The following MACROD2 variants were observed in gnomAD, a reference collection of about 807,000 sequenced individuals.
MACROD2 encodes the protein ADP-ribose glycohydrolase MACROD2.
Under a neutral mutation model 70.4 loss-of-function variants are expected in MACROD2, and 36 were observed. The observed-to-expected ratio is 0.51, with a 90% CI of 0.39 to 0.68. The LOEUF (loss-of-function observed/expected upper bound fraction) is 0.68, where lower values mean the gene tolerates loss of function less well. Among genes scored for constraint, MACROD2 ranks in the 30% least tolerant of loss-of-function variants. The probability of loss-of-function intolerance (pLI) is 0.00; values close to 1 mark genes in which losing one functional copy is unlikely to be tolerated. For missense variants in MACROD2, 496 were observed against 538.4 expected, an observed-to-expected ratio of 0.92 and a Z score of 0.78; for synonymous variants, 172 against 178.8, an observed-to-expected ratio of 0.96 and a Z score of 0.30.
chr20:15,176,674 T>C (rs993595870), intron 5 of MACROD2, among the ~76,000 whole-genome samples: 4 of 152,144 alleles, frequency 2.6e-5, no homozygotes, highest in African/African-American at 9.7e-5. Context: ...CAATTGTCCA[T>C]CTATCTCATT....
intron 3 of MACROD2, among the ~76,000 whole-genome samples, chr20:14,124,516 G>T (rs1335296922): frequency 4.6e-5 from 7 of 152,174 alleles, no homozygotes; most frequent in Admixed American, 4.6e-4. Context: ...TGGTACAATT[G>T]TTAGGCACTT....
intron 6 of MACROD2, among the ~76,000 whole-genome samples, chr20:15,395,666 C>T (rs1380586222): frequency 6.6e-6 from 1 of 152,166 alleles, no homozygotes; most frequent in Non-Finnish European, 1.5e-5. Context: ...TTCCCGACCC[C>T]CAAATTAACA....
At chr20:15,061,809 A>G (rs977759333) in intron 5 of MACROD2, among the ~76,000 whole-genome samples, 2 of 152,178 alleles carry the variant, frequency 1.3e-5, no homozygotes, top group African/African-American at 4.8e-5. Context: ...CCTCCAAATG[A>G]ATTTTGGGTC....
At chr20:15,219,588 C>T (rs1222021478) in intron 5 of MACROD2, among the ~76,000 whole-genome samples, 5 of 152,148 alleles carry the variant, frequency 3.3e-5, no homozygotes, top group African/African-American at 4.8e-5. Context: ...GAAGTAGCCT[C>T]TTCTCATTTG....
chr20:15,230,189 G>A, intron 6 of MACROD2, 128 bp downstream of exon 6: 2 of 798,308 alleles, frequency 2.5e-6, no homozygotes, highest in African/African-American at 1.8e-5. Flanking sequence ...GATCTTAGTA[G>A]CCGATTTGGT....
At chr20:14,643,738 C>T (rs1403487500) in intron 4 of MACROD2, among the ~76,000 whole-genome samples, 1 of 152,056 alleles carries the variant, frequency 6.6e-6, no homozygotes, top group Non-Finnish European at 1.5e-5. Context: ...ATATGTGGCC[C>T]CGATTGTCAC....
At chr20:15,248,659 G>A (rs551712798) in intron 6 of MACROD2, among the ~76,000 whole-genome samples, 31 of 152,132 alleles carry the variant, frequency 2.0e-4, no homozygotes, top group Non-Finnish European at 4.0e-4. Flanking sequence ...CCCAGAGTCC[G>A]CTCAGTCTCA....
At chr20:14,407,601 T>C (rs138697452) in intron 3 of MACROD2, among the ~76,000 whole-genome samples, 2 of 152,238 alleles carry the variant, frequency 1.3e-5, no homozygotes, top group East Asian at 1.9e-4. Flanking sequence ...GAATCATTGT[T>C]AAGGACGCTC....
Position 14,906,954 on chromosome 20 carries a change from T to C in MACROD2, c.418+221995T>C, listed in dbSNP as rs1600803043. Among the ~76,000 whole-genome samples the C allele has an allele frequency of 2.0e-5, 3 of 152,274 alleles. 1 individual carries two copies. In the South Asian group the frequency reaches 6.2e-4, roughly 32 times the overall value. Reference sequence around the variant, plus strand: ...CCACAGAAGAAGGCTAACATGTAAATACAGAATTGTATGGAATGCAGTAGT... The same window carrying C: ...CCACAGAAGAAGGCTAACATGTAAACACAGAATTGTATGGAATGCAGTAGT... On this transcript the variant is annotated intron_variant, in intron 5 of 17. Coordinates refer to ENST00000684519, the MANE Select transcript of MACROD2 (RefSeq NM_001351661.2).
intron 8 of MACROD2, among the ~76,000 whole-genome samples, chr20:15,742,502 G>A (rs575708510): frequency 2.9e-4 from 44 of 152,074 alleles, no homozygotes; most frequent in Non-Finnish European, 6.2e-4. Context: ...GTATAGAAAG[G>A]GACAGCCCAT....
intron 3 of MACROD2, among the ~76,000 whole-genome samples, chr20:14,451,052 G>T (rs948727159): frequency 9.2e-5 from 14 of 152,054 alleles, no homozygotes; most frequent in African/African-American, 3.1e-4. Context: ...TCTGAGAAGA[G>T]GATTTGAATG....
At chr20:15,757,575 C>T (rs556859933) in intron 8 of MACROD2, among the ~76,000 whole-genome samples, 5 of 152,280 alleles carry the variant, frequency 3.3e-5, no homozygotes, top group African/African-American at 1.2e-4. Context: ...AAAATACCTC[C>T]ATGAGTGTCT....
chr20:15,195,546 AG>A (rs150525874), intron 5 of MACROD2, among the ~76,000 whole-genome samples: 1,942 of 152,348 alleles, frequency 0.013, 36 homozygotes, highest in African/African-American at 0.043. Flanking sequence ...ATCTGATGCC[AG>A]TCAGAATGGT....
At chr20:14,901,845 G>C (rs1897211784) in intron 5 of MACROD2, among the ~76,000 whole-genome samples, 1 of 152,084 alleles carries the variant, frequency 6.6e-6, no homozygotes, top group South Asian at 2.1e-4. Context: ...CTATAGGATT[G>C]TATGCCTATC....
rs151258236 is a variant in MACROD2, at chr20:15,361,981, C to G, written c.541-69424C>G. Among the ~76,000 whole-genome samples the G allele has an allele frequency of 9.4e-3, 1,422 of 150,934 alleles. 22 individuals carry two copies. The highest frequency in any genetic ancestry group is 0.032 in the African/African-American group (1,326 of 41,124). On this transcript the variant is annotated intron_variant, in intron 6 of 17. Transcript: ENST00000684519. ...AATTTTCTATACACCATCATCTCCT[C>G]TCAAATAAGGACAGTCTTATTTCTT...
intron 2 of MACROD2, among the ~76,000 whole-genome samples, chr20:14,018,407 C>T (rs2053023068): frequency 6.6e-6 from 1 of 152,032 alleles, no homozygotes. Flanking sequence ...GCATTTATAG[C>T]TCTAAATTTT....
intron 9 of MACROD2, among the ~76,000 whole-genome samples, chr20:15,881,697 C>T (rs1020679653): frequency 1.3e-5 from 2 of 152,010 alleles, no homozygotes; most frequent in Admixed American, 6.6e-5. Context: ...TGGGGCCTTT[C>T]GTTAGTTTTA....
At chr20:15,249,318 C>G (rs908194979) in intron 6 of MACROD2, among the ~76,000 whole-genome samples, 3 of 152,212 alleles carry the variant, frequency 2.0e-5, no homozygotes, top group Non-Finnish European at 2.9e-5. Context: ...CTTCTCTACT[C>G]TCTCCCAGCC....
intron 5 of MACROD2, among the ~76,000 whole-genome samples, chr20:15,035,861 G>C (rs1027640101): frequency 5.9e-5 from 9 of 151,992 alleles, no homozygotes; most frequent in African/African-American, 2.2e-4. Context: ...TTCCTCTCTG[G>C]CACTGCCAGC....
Sources: allele counts gnomAD v4.1 joint callset (sites outside exome capture counted in the v4.1 genomes callset), GRCh38; gene constraint gnomAD v4.1.1; transcripts MANE v1.5; gene names NCBI Gene and HGNC (gene_info 2026-07-23, HGNC 2026-07-21).